The following TNIK variants were observed in gnomAD, a reference collection of about 807,000 sequenced individuals.
The protein encoded by TNIK is TRAF2 and NCK-interacting protein kinase.
A neutral mutation model predicts 191.3 loss-of-function variants in TNIK; 49 were observed. That is an observed-to-expected ratio of 0.26 (90% CI 0.20 to 0.32). The LOEUF (loss-of-function observed/expected upper bound fraction) is 0.32, where lower values mean the gene tolerates loss of function less well. Among genes scored for constraint, TNIK ranks in the 10% least tolerant of loss-of-function variants. TNIK has a pLI of 1.00. For synonymous variants in TNIK, 594 were observed against 600.9 expected (o/e 0.99, Z 0.17); for missense variants, 1,155 against 1,702.3 (o/e 0.68, Z 5.66).
intron 2 of TNIK, among the ~76,000 whole-genome samples, chr3:171,337,253 A>G (rs570635372): frequency 6.6e-6 from 1 of 152,350 alleles, no homozygotes; most frequent in East Asian, 1.9e-4. Flanking sequence ...AAAGACACGA[A>G]TACCCCTTAG....
chr3:171,159,004 G>C lies in TNIK; in HGVS notation c.1017-1340C>G, dbSNP rs944435373. Among the ~76,000 whole-genome samples, 1 of 152,192 alleles carries C rather than the reference G, an allele frequency of 6.6e-6. No individual in the cohort carries two copies. The highest frequency in any genetic ancestry group is 2.4e-5 in the African/African-American group (1 of 41,444). ...GAATGAGAGGGAGAAGGGTATGAGA[G>C]GAGGTCAGAGAGATAGGTGCGGGGC... On this transcript the variant is annotated intron_variant, in intron 11 of 32. Transcript: ENST00000436636. This position sits in a 1 kb window ranked among gnomAD's most constrained non-coding sequence, Gnocchi z 4.1.
chr3:171,390,279 T>C (rs1432196588), intron 1 of TNIK, among the ~76,000 whole-genome samples: 1 of 152,150 alleles, frequency 6.6e-6, no homozygotes, highest in African/African-American at 2.4e-5. Context: ...GTTTAGCTAT[T>C]AAAATGCCAC....
At chr3:171,150,460 G>A (rs1479612231) in intron 12 of TNIK, among the ~76,000 whole-genome samples, 2 of 152,148 alleles carry the variant, frequency 1.3e-5, no homozygotes, top group Non-Finnish European at 2.9e-5. Flanking sequence ...TTTCCCTGAT[G>A]CAAGAAGCTT....
chr3:171,174,373 G>A (rs1388721698), intron 9 of TNIK, among the ~76,000 whole-genome samples: 2 of 152,080 alleles, frequency 1.3e-5, no homozygotes, highest in African/African-American at 2.4e-5. Context: ...TCTAGAAAAA[G>A]GATAGGAGGT....
At chr3:171,070,619 G>A (rs1719065818) in intron 29 of TNIK, among the ~76,000 whole-genome samples, 4 of 152,280 alleles carry the variant, frequency 2.6e-5, no homozygotes, top group Admixed American at 2.6e-4. Flanking sequence ...AACAGGACTA[G>A]CATATCCCCA....
chr3:171,234,532 T>C (rs1744035206), intron 2 of TNIK, among the ~76,000 whole-genome samples: 1 of 152,158 alleles, frequency 6.6e-6, no homozygotes, highest in South Asian at 2.1e-4. Context: ...GAAAATGGAT[T>C]GCTTTCAAGA....
At chr3:171,205,798 T>C (rs764792420) in intron 4 of TNIK, among the ~76,000 whole-genome samples, 19 of 152,160 alleles carry the variant, frequency 1.2e-4, no homozygotes, top group Non-Finnish European at 2.8e-4. Context: ...TGCAAAGCCC[T>C]GAATGATCTG....
At chr3:171,403,611 CAAAAAAAAAAAA>C (rs57982642) in intron 1 of TNIK, among the ~76,000 whole-genome samples, 17,270 of 100,736 alleles carry the variant, frequency 0.17, 1,426 homozygotes, top group South Asian at 0.39. Context: ...GACTCCGTAT[CAAAAAAAAAAAA>C]AAAAAAAAAA....
intron 2 of TNIK, among the ~76,000 whole-genome samples, chr3:171,277,838 G>A (rs918045107): frequency 5.3e-5 from 8 of 152,176 alleles, no homozygotes; most frequent in African/African-American, 1.9e-4. Context: ...CTAATTTTCT[G>A]GGAAAATGTT....
intron 1 of TNIK, among the ~76,000 whole-genome samples, chr3:171,432,666 T>C (rs1293133733): frequency 6.6e-6 from 1 of 152,204 alleles, no homozygotes; most frequent in Admixed American, 6.6e-5. Flanking sequence ...AAAATCCTTG[T>C]ATTCCCTGAC....
chr3:171,277,059 C>G (rs1030800886), intron 2 of TNIK, among the ~76,000 whole-genome samples: 3 of 152,124 alleles, frequency 2.0e-5, no homozygotes, highest in African/African-American at 7.2e-5. Context: ...TCTGCCCTCA[C>G]GAATGAATTA....
chr3:171,231,312 GTT>G (rs1014986137), intron 2 of TNIK, among the ~76,000 whole-genome samples: 23 of 139,834 alleles, frequency 1.6e-4, no homozygotes, highest in African/African-American at 7.1e-4. Context: ...TGTTGTTGTT[GTT>G]TTGTTTTTTT....
intron 2 of TNIK, among the ~76,000 whole-genome samples, chr3:171,343,543 T>G (rs1711641130): frequency 6.6e-6 from 1 of 152,184 alleles, no homozygotes; most frequent in Non-Finnish European, 1.5e-5. Flanking sequence ...TATCAATGAC[T>G]GCCACAGCAC....
At chr3:171,218,475 T>C (rs1231799902) in intron 3 of TNIK, among the ~76,000 whole-genome samples, 1 of 151,518 alleles carries the variant, frequency 6.6e-6, no homozygotes, top group Non-Finnish European at 1.5e-5. Flanking sequence ...GCTTATATCT[T>C]CAAGGATCCT....
chr3:171,206,369 A>C (rs1167992555), intron 4 of TNIK, among the ~76,000 whole-genome samples: 1 of 145,104 alleles, frequency 6.9e-6, no homozygotes, highest in Admixed American at 6.8e-5. Context: ...GAATGAATGA[A>C]TGACTGGGGA....
chr3:171,114,368 G>A (rs1018368639), intron 18 of TNIK, among the ~76,000 whole-genome samples: 1 of 152,222 alleles, frequency 6.6e-6, no homozygotes, highest in Non-Finnish European at 1.5e-5. Flanking sequence ...ACTCTGTACT[G>A]TGTTGGATGT....
intron 2 of TNIK, among the ~76,000 whole-genome samples, chr3:171,357,018 G>A (rs990800757): frequency 6.6e-6 from 1 of 152,144 alleles, no homozygotes; most frequent in African/African-American, 2.4e-5. Context: ...GTTCAGATGA[G>A]CTGTGGTTCT....
At chr3:171,120,981 G>A (rs1727671361) in intron 18 of TNIK, among the ~76,000 whole-genome samples, 1 of 152,124 alleles carries the variant, frequency 6.6e-6, no homozygotes, top group Non-Finnish European at 1.5e-5. Flanking sequence ...TGCAGCTTCA[G>A]TATATATTTG....
rs150366350 is a variant in TNIK, at chr3:171,271,379, A to G, written c.124-43158T>C. ...CTGCCTGGTACCGAGACTCATTTAC[A>G]AGAAGATCCAGACAACTTTCAAACA... On this transcript the variant is annotated intron_variant, in intron 2 of 32. Coordinates refer to ENST00000436636, the MANE Select transcript of TNIK (RefSeq NM_015028.4). Among the ~76,000 whole-genome samples, 903 of 152,338 alleles carry G rather than the reference A, an allele frequency of 5.9e-3. 11 individuals are homozygous for G. The highest frequency in any genetic ancestry group is 0.021 in the African/African-American group (865 of 41,580).
Sources: allele counts gnomAD v4.1 joint callset (sites outside exome capture counted in the v4.1 genomes callset), GRCh38; gene constraint gnomAD v4.1.1; non-coding constraint Gnocchi (gnomAD v3.1); transcripts MANE v1.5; gene names NCBI Gene and HGNC (gene_info 2026-07-23, HGNC 2026-07-21).